Variants in TTC16 observed in about 807,000 individuals in gnomAD.
TTC16 encodes tetratricopeptide repeat protein 16.
TTC16 carries 66 observed loss-of-function variants against 80.4 expected under a neutral mutation model. That is an observed-to-expected ratio of 0.82 (90% CI 0.67 to 1.01). TTC16 has a LOEUF of 1.01. TTC16 is among the 50% of genes least tolerant of loss of function. TTC16 has a pLI of 0.00. For missense variants in TTC16, 1,070 were observed against 1,103.2 expected, an observed-to-expected ratio of 0.97 and a Z score of 0.43; for synonymous variants, 438 against 451.3, an observed-to-expected ratio of 0.97 and a Z score of 0.37.
Position 127,716,099 on chromosome 9 carries a change from C to T in TTC16, c.-47C>T, listed in dbSNP as rs771540475. 5.1e-5 allele frequency: 83 copies of T among 1,613,510 alleles called. No homozygotes were observed. Among genetic ancestry groups the T allele is most frequent in the Non-Finnish European group, 6.9e-5 (81 of 1,179,906 alleles). On this transcript the variant is annotated 5_prime_UTR_variant, in exon 1 of 14. Coordinates refer to ENST00000373289, the MANE Select transcript of TTC16 (RefSeq NM_144965.3). ...TGCCTAGCAACGTCAGGGCCAGGGCCGCGAGGTAGTTGGCAGAGGCCTCGG... is the reference window on the plus strand; with the variant it reads ...TGCCTAGCAACGTCAGGGCCAGGGCTGCGAGGTAGTTGGCAGAGGCCTCGG...
intron 12 of TTC16, chr9:127,727,731 T>C: frequency 3.6e-6 from 2 of 562,048 alleles, no homozygotes; most frequent in East Asian, 4.0e-5. Context: ...TGAATTCTAC[T>C]GTAGGCACTA....
intron 4 of TTC16, 104 bp downstream of exon 4, chr9:127,717,876 C>G: frequency 7.0e-7 from 1 of 1,423,274 alleles, no homozygotes. Context: ...CCTCCTTGTC[C>G]CTGTGTCTGG....
At position 127,724,426 on chromosome 9, in the gene TTC16, C is replaced by T. The variant is rs1386348478; in HGVS notation, c.1117+62C>T. The T allele has an allele frequency of 2.5e-6, 4 of 1,588,258 alleles. No homozygotes were observed. In the African/African-American group the frequency reaches 4.0e-5, roughly 16 times the overall value. ...GGGGGAGCCTCGCCATCTCTAAGGCCCCCACTGGGCACTTGAGGCCCCTGG... is the reference window on the plus strand; with the variant it reads ...GGGGGAGCCTCGCCATCTCTAAGGCTCCCACTGGGCACTTGAGGCCCCTGG... On this transcript the variant is annotated intron_variant, in intron 8 of 13. Transcript: ENST00000373289.
Position 127,718,157 on chromosome 9 carries a change from G to A in TTC16, c.426+385G>A, listed in dbSNP as rs1175261612. Among the ~76,000 whole-genome samples, 3 of 151,454 alleles carry A rather than the reference G, an allele frequency of 2.0e-5. No individual in the cohort carries two copies. The highest frequency in any genetic ancestry group is 6.6e-5 in the Admixed American group (1 of 15,196). ...GGCTGCAGTGCAGTGGCACGATCTC[G>A]GCTCACTGCAACCTCTGTCTCTTGG... On this transcript the variant is annotated intron_variant, in intron 4 of 13. Transcript: ENST00000373289. This position sits in a 1 kb window ranked among gnomAD's most constrained non-coding sequence, Gnocchi z 4.6.
Position 127,731,183 on chromosome 9 carries a change from A to C in TTC16, c.2400A>C (p.Arg800=), listed in dbSNP as rs184923301. Residue 800 remains arginine, a synonymous_variant, in exon 14 of 14, where the codon CGA becomes CGC. Coordinates refer to ENST00000373289, the MANE Select transcript of TTC16 (RefSeq NM_144965.3). ...ATQGRSRGLL[R]SSTKTEAFYD... ...AGGGCCGAAGCAGGGGACTGCTCCG[A>C]AGTTCCACCAAGACTGAGGCTTTCT... 12 of 1,612,724 alleles carry C rather than the reference A, an allele frequency of 7.4e-6. No homozygotes were observed. In the Admixed American group the frequency reaches 1.3e-4, roughly 18 times the overall value.
intron 6 of TTC16, among the ~76,000 whole-genome samples, chr9:127,720,732 T>G (rs1843379820): frequency 6.6e-6 from 1 of 150,770 alleles, no homozygotes; most frequent in African/African-American, 2.4e-5. Flanking sequence ...TAGGAGGGCT[T>G]TAGCCACAAT....
In TTC16 at chr9:127,727,781, C is replaced by T. The variant is rs570657582; in HGVS notation, c.1764+316C>T. Reference sequence around the variant, plus strand: ...GTGCCAGAATTTTTTGTTTTTGAGTCGGAGTCTTGCTCTGTCAACCTAGGC... The same window carrying T: ...GTGCCAGAATTTTTTGTTTTTGAGTTGGAGTCTTGCTCTGTCAACCTAGGC... On this transcript the variant is annotated intron_variant, in intron 12 of 13. Coordinates refer to ENST00000373289, the MANE Select transcript of TTC16 (RefSeq NM_144965.3). The T allele has an allele frequency of 4.8e-5, 10 of 206,750 alleles. No individual in the cohort carries two copies. The South Asian group carries it at 9.5e-4, about 20-fold the overall frequency. 12.8% of individuals were successfully genotyped at this position (206,750 alleles called of 1,614,324 possible). A position where few individuals can be genotyped will look rare whatever the true frequency, so the allele number is the denominator to read the frequency against.
At chr9:127,723,071 G>GTGGCTCAGT in intron 6 of TTC16, 48 bp from the exon 7 acceptor site, 1 of 1,589,708 alleles carries the variant, frequency 6.3e-7, no homozygotes, top group Non-Finnish European at 8.6e-7. Flanking sequence ...TCTAGGTCCC[G>GTGGCTCAGT]TGGCTCAGTT....
intron 1 of TTC16, 149 bp downstream of exon 1, chr9:127,716,312 T>C (rs1843004789): frequency 7.5e-6 from 9 of 1,198,236 alleles, no homozygotes; most frequent in Non-Finnish European, 1.1e-5. Flanking sequence ...GAACCAGGCA[T>C]GTGAAAGATC....
chr9:127,724,931 C>A (rs1411580569), intron 9 of TTC16, 34 bp downstream of exon 9: 18 of 1,466,290 alleles, frequency 1.2e-5, no homozygotes, highest in East Asian at 5.0e-5. Flanking sequence ...GTGGGCGGGG[C>A]AGGCCCGAGG....
At position 127,730,726 on chromosome 9, in the gene TTC16, C is replaced by T. The variant is rs574199828; in HGVS notation, c.1943C>T (p.Ser648Leu). The change falls in exon 14 of 14, where the codon TCG becomes TTG. Residue 648 changes from serine to leucine, a missense_variant. By Grantham distance (145) the Ser-to-Leu change is moderately radical. Coordinates refer to ENST00000373289, the MANE Select transcript of TTC16 (RefSeq NM_144965.3). The stretch of plus-strand genomic sequence containing the variant: ...GCCACCGCCGTGACATTCTCTGACT[C>T]GTCACTGTTGAAGACGCAATCCTCG... ...TSATAVTFSDSSLLKTQSSDS... is the reference protein window; with the variant it reads ...TSATAVTFSDLSLLKTQSSDS... 56 of 1,613,456 alleles carry T rather than the reference C, an allele frequency of 3.5e-5. No homozygotes were observed. Among genetic ancestry groups the T allele is most frequent in the Non-Finnish European group, 4.5e-5 (53 of 1,180,044 alleles).
rs867129078 is a variant in TTC16, at chr9:127,730,971, G to A, written c.2188G>A (p.Gly730Arg). 1.2e-6 allele frequency: 2 copies of A among 1,606,980 alleles called. No individual in the cohort carries two copies. Among genetic ancestry groups the A allele is most frequent in the Non-Finnish European group, 1.7e-6 (2 of 1,178,018 alleles). Residue 730 changes from glycine to arginine, a missense_variant, in exon 14 of 14, where the codon GGG becomes AGG. Coordinates refer to ENST00000373289, the MANE Select transcript of TTC16 (RefSeq NM_144965.3). ...CAAGACCAGGGCCACCCAGGGCCAG[G>A]GGCAGAGCTCCAGCAAGACTGAGGC... ...SSKTRATQGQ[G>R]QSSSKTEATQ... is the part of the protein sequence containing the mutation.
In TTC16 at chr9:127,720,926, TCCCTTCCC is replaced by T. The variant is rs139253303; in HGVS notation, c.657+534_657+541del. ...TCCTCCCTCCTCCCTCCTCCCTTCC[TCCCTTCCC>T]CCTTCCTCCTTTCCTCCTCTTCTTC... On this transcript the variant is annotated intron_variant, in intron 6 of 13. Transcript: ENST00000373289. Among the ~76,000 whole-genome samples, 224 of 23,012 alleles carry T rather than the reference TCCCTTCCC, an allele frequency of 9.7e-3. 2 individuals carry two copies. The highest frequency in any genetic ancestry group is 0.038 in the African/African-American group (215 of 5,720). 15.1% of individuals were successfully genotyped at this position (23,012 alleles called of 152,430 possible). A position where few individuals can be genotyped will look rare whatever the true frequency, so the allele number is the denominator to read the frequency against.
chr9:127,724,836 G>GGC lies in TTC16; in HGVS notation c.1201_1202dup (p.Asn402ProfsTer79), dbSNP rs758586534. ...GCTGGCGCTGAGCCCTCAGGACGAG[G>GGC]GCGCCAACACGCGCATGGGCCTGCT... is the stretch of plus-strand genomic sequence containing the variant. On this transcript the variant is annotated frameshift_variant, in exon 9 of 14. Coordinates refer to ENST00000373289, the MANE Select transcript of TTC16 (RefSeq NM_144965.3). LOFTEE classifies it high-confidence loss of function. 3.5e-5 allele frequency: 56 copies of GGC among 1,602,380 alleles called. No individual in the cohort carries two copies. In the South Asian group the frequency reaches 4.6e-4, roughly 13 times the overall value.
In TTC16 at chr9:127,722,097, C is replaced by G. The variant is rs1335011798; in HGVS notation, c.658-1022C>G. ...CCCTTTGGGATAGAGACACACTGTC[C>G]TCGTTTCACAGAGGAAGAGCCAGCC... is the stretch of plus-strand genomic sequence containing the variant. On this transcript the variant is annotated intron_variant, in intron 6 of 13. Coordinates refer to ENST00000373289, the MANE Select transcript of TTC16 (RefSeq NM_144965.3). This position sits in a 1 kb window ranked among gnomAD's most constrained non-coding sequence, Gnocchi z 4.2. 6.6e-6 allele frequency among the ~76,000 whole-genome samples: 1 copy of G among 152,200 alleles called. No individual in the cohort carries two copies. The highest frequency in any genetic ancestry group is 2.4e-5 in the African/African-American group (1 of 41,426).
rs760671213 is a variant in TTC16, at chr9:127,729,599, A to G, written c.1783A>G (p.Ile595Val). 7 of 1,613,716 alleles carry G rather than the reference A, an allele frequency of 4.3e-6. No individual in the cohort carries two copies. Among genetic ancestry groups the G allele is most frequent in the Non-Finnish European group, 5.1e-6 (6 of 1,179,982 alleles). Reference protein sequence around the residue: ...EKKEEKKSELIPSKVASLSDS... With the variant: ...EKKEEKKSELVPSKVASLSDS... ...GCCATAGGAGAAAAAATCAGAGCTC[A>G]TACCTAGCAAGGTGGCGTCCCTGTC... Residue 595 changes from isoleucine (I) to valine (V), a missense_variant, in exon 13 of 14, where the codon ATA becomes GTA. Coordinates refer to ENST00000373289, the MANE Select transcript of TTC16 (RefSeq NM_144965.3).
rs774479002 is a variant in TTC16 at position 127,730,856 on chromosome 9, G to C, written c.2073G>C (p.Gln691His). The C allele has an allele frequency of 1.2e-6, 2 of 1,611,194 alleles. No individual in the cohort carries two copies. The highest frequency in any genetic ancestry group is 1.7e-6 in the Non-Finnish European group (2 of 1,179,294). ...GCAAGACTGAGCCCACCCAGAGCCA[G>C]AGGCGGAACTCCAGCAAGACCAAGG... Reference protein sequence around the residue: ...SLSKTEPTQSQRRNSSKTKAT... With the variant: ...SLSKTEPTQSHRRNSSKTKAT... The change falls in exon 14 of 14, where the codon CAG becomes CAC. Residue 691 changes from glutamine (Q) to histidine (H), a missense_variant. Coordinates refer to ENST00000373289, the MANE Select transcript of TTC16 (RefSeq NM_144965.3).
In TTC16 at chr9:127,717,631, G is replaced by A; in HGVS notation, c.285G>A (p.Val95=). ...AGCCTGGGTCCCCTCACCCTCAGGT[G>A]GACTTCTATGCCTTACGGGCTGAGG... ...SRALHLDPQL[V]DFYALRAEAY... Residue 95 remains valine, a splice_region_variant and synonymous_variant, in exon 4 of 14, where the codon GTG becomes GTA. Coordinates refer to ENST00000373289, the MANE Select transcript of TTC16 (RefSeq NM_144965.3). 1.2e-6 allele frequency: 2 copies of A among 1,613,536 alleles called. No individual in the cohort carries two copies. Among genetic ancestry groups the A allele is most frequent in the Non-Finnish European group, 1.7e-6 (2 of 1,179,716 alleles).
At chr9:127,716,633 A>T (rs995519571) in intron 1 of TTC16, 2 of 621,486 alleles carry the variant, frequency 3.2e-6, no homozygotes, top group Non-Finnish European at 5.5e-6. Flanking sequence ...CCTTGACCAC[A>T]GGAGAGGGAG....
Sources: allele counts gnomAD v4.1 joint callset (sites outside exome capture counted in the v4.1 genomes callset), GRCh38; gene constraint gnomAD v4.1.1; non-coding constraint Gnocchi (gnomAD v3.1); transcripts MANE v1.5; gene names NCBI Gene and HGNC (gene_info 2026-07-23, HGNC 2026-07-21).